Variants in AP2S1 observed in about 807,000 individuals in gnomAD.
AP2S1 encodes AP-2 complex subunit sigma.
AP2S1 carries 6 observed loss-of-function variants against 21.0 expected under a neutral mutation model. That is an observed-to-expected ratio of 0.29 (90% CI 0.16 to 0.56). AP2S1 has a LOEUF of 0.56. Among genes scored for constraint, AP2S1 ranks in the 20% least tolerant of loss-of-function variants. AP2S1 has a pLI of 0.92. For synonymous variants in AP2S1, 63 were observed against 74.6 expected (o/e 0.84, Z 0.80); for missense variants, 60 against 186.2 (o/e 0.32, Z 3.95).
At chr19:46,846,194 T>C in intron 1 of AP2S1, 52 bp from the exon 2 acceptor site, 6 of 1,605,230 alleles carry the variant, frequency 3.7e-6, no homozygotes, top group Non-Finnish European at 4.3e-6. Flanking sequence ...AGAGGGCGGG[T>C]TGGGTGCTGC....
chr19:46,839,424 G>GCCCCCCC, intron 3 of AP2S1, 41 bp downstream of exon 3: 4 of 1,504,488 alleles, frequency 2.7e-6, no homozygotes, highest in South Asian at 1.1e-5. Flanking sequence ...CTCCAGGGCT[G>GCCCCCCC]CCCACCCGCC....
chr19:46,846,649 T>C (rs978657630), intron 1 of AP2S1, among the ~76,000 whole-genome samples: 3 of 151,656 alleles, frequency 2.0e-5, no homozygotes, highest in African/African-American at 7.3e-5. Context: ...ACCAGGGTGG[T>C]TTTTTCATTA....
At chr19:46,850,673 G>C (rs1246401681) in intron 1 of AP2S1, 91 bp downstream of exon 1, 1 of 1,188,260 alleles carries the variant, frequency 8.4e-7, no homozygotes. Flanking sequence ...ATCCGCGGCA[G>C]AGAAGGGACT....
intron 2 of AP2S1, among the ~76,000 whole-genome samples, chr19:46,842,523 CCTGGAGGCATGGAGGAACT>C (rs1358073163): frequency 8.5e-5 from 13 of 152,180 alleles, no homozygotes; most frequent in Non-Finnish European, 1.2e-4. Context: ...GGGCCTGGAT[CCTGGAGGCATGGAGGAACT>C]CAAGACCTGA....
At chr19:46,848,100 G>T (rs2055669019) in intron 1 of AP2S1, among the ~76,000 whole-genome samples, 2 of 152,134 alleles carry the variant, frequency 1.3e-5, no homozygotes, top group Non-Finnish European at 2.9e-5. Flanking sequence ...CGGTCACGGT[G>T]GCTCACACCT....
chr19:46,850,397 G>T, intron 1 of AP2S1: 8 of 1,216,882 alleles, frequency 6.6e-6, no homozygotes, highest in Non-Finnish European at 7.2e-6. Flanking sequence ...CTTCCAGAGC[G>T]CCTTCCTCTT....
At chr19:46,844,874 G>A (rs542107002) in intron 2 of AP2S1, among the ~76,000 whole-genome samples, 4 of 152,180 alleles carry the variant, frequency 2.6e-5, no homozygotes, top group African/African-American at 9.6e-5. Flanking sequence ...GGCCAAGGCG[G>A]GTGGATCACT....
chr19:46,844,046 G>T (rs2055575047), intron 2 of AP2S1, among the ~76,000 whole-genome samples: 1 of 152,000 alleles, frequency 6.6e-6, no homozygotes, highest in African/African-American at 2.4e-5. Context: ...GAGTAGCTGG[G>T]ACTACAGGCA....
chr19:46,850,530 C>G, intron 1 of AP2S1: 1 of 617,744 alleles, frequency 1.6e-6, no homozygotes, highest in Non-Finnish European at 2.7e-6. Flanking sequence ...AGCCCTTTCC[C>G]CTTGGAACAC....
intron 1 of AP2S1, among the ~76,000 whole-genome samples, chr19:46,849,390 C>T (rs1033798058): frequency 2.8e-5 from 3 of 108,578 alleles, no homozygotes; most frequent in African/African-American, 1.1e-4. Flanking sequence ...GGATGTTACA[C>T]TCTCCTTCCA....
chr19:46,841,830 C>T (rs533389879), intron 2 of AP2S1, among the ~76,000 whole-genome samples: 1 of 152,292 alleles, frequency 6.6e-6, no homozygotes, highest in African/African-American at 2.4e-5. Flanking sequence ...ATGGTTCAGG[C>T]GGGACCAATG....
At chr19:46,839,730 G>T in intron 2 of AP2S1, 152 bp from the exon 3 acceptor site, 1 of 1,320,732 alleles carries the variant, frequency 7.6e-7, no homozygotes, top group Non-Finnish European at 1.0e-6. Flanking sequence ...CAGTGACCGA[G>T]ACAGCCCTAA....
At position 46,838,168 on chromosome 19, in the gene AP2S1, C is replaced by T. The variant is rs573435250; in HGVS notation, c.*279G>A. 4.3e-5 allele frequency: 20 copies of T among 462,170 alleles called. No homozygotes were observed. The highest frequency in any genetic ancestry group is 3.7e-4 in the African/African-American group (19 of 51,018). 28.6% of individuals were successfully genotyped at this position (462,170 alleles called of 1,614,324 possible). ...AGGCAAGGGCTCAAAGACGGCAAGG[C>T]CAGGCAGGACCACAGGTTTATTGGG... On this transcript the variant is annotated 3_prime_UTR_variant, in exon 5 of 5. Coordinates refer to ENST00000263270, the MANE Select transcript of AP2S1 (RefSeq NM_004069.6). This position sits in a 1 kb window ranked among gnomAD's most constrained non-coding sequence, Gnocchi z 4.1.
intron 2 of AP2S1, chr19:46,845,748 G>T: frequency 4.5e-6 from 2 of 443,688 alleles, no homozygotes; most frequent in East Asian, 3.4e-5. Context: ...TTAAATCTGG[G>T]TAGTAGGTAT....
intron 2 of AP2S1, among the ~76,000 whole-genome samples, chr19:46,841,735 T>C (rs2055524512): frequency 6.6e-6 from 1 of 152,222 alleles, no homozygotes. Flanking sequence ...ACCCTGTGAA[T>C]ATGGGACCTT....
chr19:46,838,773 G>A lies in AP2S1; in HGVS notation c.294C>T (p.Val98=), dbSNP rs770400521. 44 of 1,613,300 alleles carry A rather than the reference G, an allele frequency of 2.7e-5. No homozygotes were observed. Among genetic ancestry groups the A allele is most frequent in the Middle Eastern group, 1.6e-4 (1 of 6,076 alleles). The part of the protein sequence containing the change: ...VEVLNEYFHN[V]CELDLVFNFY... ...AGTTGAACACCAGGTCCAGTTCACA[G>A]ACATTGTGGAAATATTCGTTTAAGA... Residue 98 remains valine, a synonymous_variant, in exon 4 of 5, where the codon GTC becomes GTT. Transcript: ENST00000263270. The surrounding 1 kb of genome is among the most constrained non-coding windows in gnomAD (Gnocchi z 4.1).
intron 2 of AP2S1, among the ~76,000 whole-genome samples, chr19:46,844,036 G>A (rs979001401): frequency 1.9e-4 from 29 of 151,762 alleles, no homozygotes; most frequent in East Asian, 1.9e-4. Flanking sequence ...TCAGCCTCCC[G>A]AGTAGCTGGG....
intron 2 of AP2S1, among the ~76,000 whole-genome samples, chr19:46,843,973 C>T (rs561190046): frequency 1.1e-3 from 166 of 152,120 alleles, no homozygotes; most frequent in African/African-American, 3.6e-3. Flanking sequence ...TGCAATGGCA[C>T]GATCTCGGCT....
At chr19:46,845,100 G>GAAA (rs35651566) in intron 2 of AP2S1, among the ~76,000 whole-genome samples, 7 of 93,864 alleles carry the variant, frequency 7.5e-5, no homozygotes, top group South Asian at 4.1e-4. Flanking sequence ...CTCCATTTCA[G>GAAA]AAAAAAAAAA....
Sources: allele counts gnomAD v4.1 joint callset (sites outside exome capture counted in the v4.1 genomes callset), GRCh38; gene constraint gnomAD v4.1.1; non-coding constraint Gnocchi (gnomAD v3.1); transcripts MANE v1.5; gene names NCBI Gene and HGNC (gene_info 2026-07-23, HGNC 2026-07-21).